The following CLIC5 variants were observed in gnomAD, a reference collection of about 807,000 sequenced individuals.
CLIC5 encodes the protein CLIC family member 5, also known as chloride intracellular channel protein 5.
In CLIC5, 20 loss-of-function variants were observed where a neutral mutation model predicts 24.7. The observed-to-expected ratio is 0.81, with a 90% confidence interval of 0.57 to 1.18. CLIC5 has a LOEUF of 1.18. CLIC5 is among the 50% of genes most tolerant of loss of function. The pLI is 0.00. For missense variants in CLIC5, 341 were observed against 326.1 expected (o/e 1.05, Z -0.35); for synonymous variants, 159 against 135.6 (o/e 1.17, Z -1.20).
chr6:46,012,374 C>G (rs1766838211), intron 1 of CLIC5, among the ~76,000 whole-genome samples: 1 of 152,138 alleles, frequency 6.6e-6, no homozygotes, highest in South Asian at 2.1e-4. Flanking sequence ...ACATTAGAAT[C>G]AGAGTTGACA....
At chr6:46,114,513 T>C in the CLIC5 span, among the ~76,000 whole-genome samples, 3 of 152,198 alleles carry the variant, frequency 2.0e-5, no homozygotes, top group Non-Finnish European at 4.4e-5. Flanking sequence ...CAGAGCATAC[T>C]CTTACTGGGC....
chr6:45,889,901 G>T (rs550615160), intron 6 of CLIC5, among the ~76,000 whole-genome samples: 1 of 152,224 alleles, frequency 6.6e-6, no homozygotes, highest in African/African-American at 2.4e-5. Context: ...TCTATTAAAA[G>T]TAGACCAGTT....
chr6:46,064,825 T>C (rs184853654), intron 1 of CLIC5, among the ~76,000 whole-genome samples: 2 of 152,224 alleles, frequency 1.3e-5, no homozygotes, highest in Admixed American at 6.5e-5. Context: ...GAACCAGATC[T>C]ATAAAAGTTC....
chr6:46,074,432 A>G (rs1762711105), intron 1 of CLIC5, among the ~76,000 whole-genome samples: 1 of 152,200 alleles, frequency 6.6e-6, no homozygotes, highest in Admixed American at 6.5e-5. Flanking sequence ...AATTATAGTG[A>G]ATAATTCCTT....
At chr6:45,992,797 T>C (rs938310853) in intron 1 of CLIC5, among the ~76,000 whole-genome samples, 1 of 152,222 alleles carries the variant, frequency 6.6e-6, no homozygotes, top group South Asian at 2.1e-4. Flanking sequence ...AAGGGCTGTA[T>C]GTATATATTT....
chr6:46,088,191 G>T, the CLIC5 span, among the ~76,000 whole-genome samples: 1 of 151,732 alleles, frequency 6.6e-6, no homozygotes, highest in South Asian at 2.1e-4. Flanking sequence ...GTGTGTGTGT[G>T]TGTGACACTG....
intron 1 of CLIC5, among the ~76,000 whole-genome samples, chr6:46,048,564 C>T (rs1277621563): frequency 6.6e-6 from 1 of 152,086 alleles, no homozygotes; most frequent in Non-Finnish European, 1.5e-5. Context: ...TCAAAACTCA[C>T]CTTGGCTGCT....
At chr6:46,010,124 T>C (rs994548966) in intron 1 of CLIC5, among the ~76,000 whole-genome samples, 94 of 152,332 alleles carry the variant, frequency 6.2e-4, no homozygotes, top group African/African-American at 2.2e-3. Context: ...AATGACGACC[T>C]GCTTTGGAAA....
chr6:46,034,946 T>C (rs1364750853), intron 1 of CLIC5, among the ~76,000 whole-genome samples: 1 of 152,208 alleles, frequency 6.6e-6, no homozygotes, highest in Non-Finnish European at 1.5e-5. Flanking sequence ...CTCCAATTCA[T>C]AGTTTCCTTA....
intron 5 of CLIC5, among the ~76,000 whole-genome samples, chr6:45,904,268 T>C (rs1042393101): frequency 6.6e-6 from 1 of 152,192 alleles, no homozygotes; most frequent in Non-Finnish European, 1.5e-5. Flanking sequence ...GAGGAGTGCC[T>C]GGCAAATAGT....
At chr6:45,905,432 C>T (rs900123507) in intron 5 of CLIC5, among the ~76,000 whole-genome samples, 2 of 146,746 alleles carry the variant, frequency 1.4e-5, no homozygotes, top group African/African-American at 5.0e-5. Context: ...AGGGAGGTGT[C>T]TCCTTGTGCT....
At chr6:46,092,232 T>C in the CLIC5 span, among the ~76,000 whole-genome samples, 3 of 152,198 alleles carry the variant, frequency 2.0e-5, no homozygotes, top group African/African-American at 4.8e-5. Context: ...CCAAGAGTAT[T>C]TGAATCCAAA....
At chr6:46,016,686 C>G (rs1034034468), upstream of CLIC5, among the ~76,000 whole-genome samples, 1 of 152,144 alleles carries the variant, frequency 6.6e-6, no homozygotes, top group African/African-American at 2.4e-5. Context: ...ACCCATGTAA[C>G]GAGCGCCAGA....
the CLIC5 span, among the ~76,000 whole-genome samples, chr6:46,086,303 A>G: frequency 1.3e-5 from 2 of 152,240 alleles, no homozygotes; most frequent in Non-Finnish European, 2.9e-5. Context: ...CCGGTACCTC[A>G]GATGGAAATG....
intron 1 of CLIC5, among the ~76,000 whole-genome samples, chr6:46,051,495 G>A (rs756002842): frequency 5.9e-5 from 9 of 152,262 alleles, no homozygotes; most frequent in East Asian, 1.9e-4. Flanking sequence ...TTAGCTCTAC[G>A]TGCAATCCAT....
chr6:45,928,578 C>T (rs1226878936), intron 4 of CLIC5, among the ~76,000 whole-genome samples: 1 of 152,226 alleles, frequency 6.6e-6, no homozygotes, highest in Non-Finnish European at 1.5e-5. Context: ...CACTATTGTA[C>T]TTCTGTGGTC....
At chr6:45,995,175 C>T (rs772496737) in intron 1 of CLIC5, among the ~76,000 whole-genome samples, 1 of 152,144 alleles carries the variant, frequency 6.6e-6, no homozygotes, top group Non-Finnish European at 1.5e-5. Flanking sequence ...AGCTGTGTGG[C>T]CTTGAACAAG....
chr6:45,962,591 C>G (rs1322542563), intron 1 of CLIC5, among the ~76,000 whole-genome samples: 1 of 151,960 alleles, frequency 6.6e-6, no homozygotes, highest in Non-Finnish European at 1.5e-5. Context: ...AACCATTACA[C>G]CTGGCATATT....
chr6:45,892,846 T>C (rs1412125493), intron 6 of CLIC5, among the ~76,000 whole-genome samples: 1 of 152,196 alleles, frequency 6.6e-6, no homozygotes, highest in East Asian at 1.9e-4. Flanking sequence ...CTAGGTCAAG[T>C]GGTCTTACTG....
Sources: allele counts gnomAD v4.1 joint callset (sites outside exome capture counted in the v4.1 genomes callset), GRCh38; gene constraint gnomAD v4.1.1; transcripts MANE v1.5; gene names NCBI Gene and HGNC (gene_info 2026-07-23, HGNC 2026-07-21).